The following SPOCK3 variants were observed in gnomAD, a reference collection of about 807,000 sequenced individuals.
The protein encoded by SPOCK3 is testican-3.
SPOCK3 carries 30 observed loss-of-function variants against 56.6 expected under a neutral mutation model. The ratio of observed to expected loss-of-function variants is 0.53; its 90% confidence interval spans 0.40 to 0.72. SPOCK3 has a LOEUF of 0.72. Ranked by LOEUF, SPOCK3 falls within the 30% of genes least tolerant of loss-of-function variation. SPOCK3 has a pLI of 0.00. For missense variants in SPOCK3, 527 were observed against 530.0 expected, an observed-to-expected ratio of 0.99 and a Z score of 0.06; for synonymous variants, 196 against 183.3, an observed-to-expected ratio of 1.07 and a Z score of -0.56.
chr4:166,739,989 A>G (rs1734664512), intron 9 of SPOCK3, among the ~76,000 whole-genome samples: 1 of 152,166 alleles, frequency 6.6e-6, no homozygotes, highest in Admixed American at 6.5e-5. Flanking sequence ...GAAAAAATTC[A>G]CTGTTGTCAC....
At chr4:167,014,905 A>G (rs1284417281) in intron 3 of SPOCK3, among the ~76,000 whole-genome samples, 1 of 152,024 alleles carries the variant, frequency 6.6e-6, no homozygotes, top group Non-Finnish European at 1.5e-5. Flanking sequence ...AAATTACTGC[A>G]TTTTATTTTA....
chr4:167,081,642 G>T (rs1757715441), intron 2 of SPOCK3, among the ~76,000 whole-genome samples: 1 of 152,006 alleles, frequency 6.6e-6, no homozygotes, highest in African/African-American at 2.4e-5. Context: ...GAATTCAAAT[G>T]GGAACTCTGT....
chr4:166,957,091 G>A lies in SPOCK3; in HGVS notation c.350+43258C>T, dbSNP rs180882990. ...CAACATGGTGAAACTCTGTCTCTAC[G>A]AAAAATACAAAAAGTTAGCTAGGCA... is the stretch of plus-strand genomic sequence containing the variant. On this transcript the variant is annotated intron_variant, in intron 4 of 10. Coordinates refer to ENST00000357545, the MANE Select transcript of SPOCK3 (RefSeq NM_001040159.2). Among the ~76,000 whole-genome samples the A allele has an allele frequency of 2.4e-3, 367 of 152,062 alleles. 3 individuals carry two copies. The highest frequency in any genetic ancestry group is 8.4e-3 in the African/African-American group (350 of 41,522).
At chr4:166,800,886 G>C in intron 6 of SPOCK3, among the ~76,000 whole-genome samples, 1 of 152,058 alleles carries the variant, frequency 6.6e-6, no homozygotes, top group East Asian at 1.9e-4. Context: ...GACACCCAGA[G>C]CAACTTCCCA....
chr4:167,183,414 C>T (rs1008701340), intron 2 of SPOCK3, among the ~76,000 whole-genome samples: 1 of 151,868 alleles, frequency 6.6e-6, no homozygotes, highest in Non-Finnish European at 1.5e-5. Flanking sequence ...AAAATGACTT[C>T]TAGTCAGAAT....
chr4:167,178,234 A>AACCT (rs1345767348), intron 2 of SPOCK3, among the ~76,000 whole-genome samples: 2 of 152,148 alleles, frequency 1.3e-5, no homozygotes, highest in African/African-American at 4.8e-5. Context: ...GTAAACTTCT[A>AACCT]TTTTTAAAAC....
chr4:166,801,308 T>C (rs1461218548), intron 6 of SPOCK3, among the ~76,000 whole-genome samples: 1 of 152,104 alleles, frequency 6.6e-6, no homozygotes, highest in African/African-American at 2.4e-5. Context: ...GTACTCCTAA[T>C]TCAAAACAAT....
intron 2 of SPOCK3, among the ~76,000 whole-genome samples, chr4:167,128,141 T>C (rs1053419948): frequency 6.6e-6 from 1 of 152,196 alleles, no homozygotes; most frequent in Non-Finnish European, 1.5e-5. Context: ...CATGCATAAA[T>C]TGCAAAATTG....
At chr4:166,932,340 T>C (rs1739882771) in intron 4 of SPOCK3, among the ~76,000 whole-genome samples, 1 of 152,194 alleles carries the variant, frequency 6.6e-6, no homozygotes, top group Non-Finnish European at 1.5e-5. Context: ...TCAGTCATAT[T>C]ACCAAAAGCC....
intron 8 of SPOCK3, among the ~76,000 whole-genome samples, chr4:166,750,378 A>G (rs554241327): frequency 2.0e-5 from 3 of 152,272 alleles, no homozygotes; most frequent in African/African-American, 7.2e-5. Context: ...TAGGGTAGAG[A>G]CATGGATTCA....
At chr4:166,762,765 G>C (rs72697509) in intron 7 of SPOCK3, among the ~76,000 whole-genome samples, 6,530 of 152,074 alleles carry the variant, frequency 0.043, 199 homozygotes, top group Non-Finnish European at 0.055. Flanking sequence ...ATATATGCTG[G>C]ATGGTATTAA....
intron 2 of SPOCK3, among the ~76,000 whole-genome samples, chr4:167,186,129 T>G (rs922919131): frequency 9.2e-5 from 14 of 152,172 alleles, no homozygotes; most frequent in Admixed American, 5.9e-4. Context: ...TTAGAATGAA[T>G]GTTTTTCAGA....
intron 6 of SPOCK3, among the ~76,000 whole-genome samples, chr4:166,797,234 T>A (rs1378774739): frequency 1.1e-5 from 1 of 88,150 alleles, no homozygotes. Flanking sequence ...TCCACCTTTC[T>A]TTTTTTTTTT....
At chr4:166,771,786 G>C (rs1560840255) in intron 7 of SPOCK3, among the ~76,000 whole-genome samples, 1 of 151,942 alleles carries the variant, frequency 6.6e-6, no homozygotes, top group Admixed American at 6.6e-5. Context: ...ACACTATATT[G>C]ACAAAAACAG....
Position 167,151,338 on chromosome 4 carries a change from C to T in SPOCK3, c.189+82647G>A, listed in dbSNP as rs147373304. Among the ~76,000 whole-genome samples the T allele has an allele frequency of 4.1e-3, 618 of 152,226 alleles. 6 individuals carry two copies. The highest frequency in any genetic ancestry group is 0.014 in the African/African-American group (581 of 41,528). ...TAGCAAGAGCTAAAGACAGAGGGTG[C>T]GGCAGCACTTGGTGCAAGCCTGCCA... On this transcript the variant is annotated intron_variant, in intron 2 of 10. Transcript: ENST00000357545.
At chr4:167,206,425 A>G (rs1231952575) in intron 2 of SPOCK3, among the ~76,000 whole-genome samples, 8 of 152,130 alleles carry the variant, frequency 5.3e-5, no homozygotes, top group Admixed American at 5.2e-4. Context: ...AAATATATAT[A>G]TCTGCAAACA....
rs1748818757 is a variant in SPOCK3 at position 167,000,323 on chromosome 4, G to C, written c.350+26C>G. ...CCTGGTAAGGAGCGCTGTTCAATCA[G>C]TGGGATTAAATTTAACAATGTTTAC... On this transcript the variant is annotated intron_variant, in intron 4 of 10. Transcript: ENST00000357545. 3 of 1,176,062 alleles carry C rather than the reference G, an allele frequency of 2.6e-6. No individual in the cohort carries two copies. In the South Asian group the frequency reaches 4.0e-5, roughly 16 times the overall value. 72.9% of individuals were successfully genotyped at this position (1,176,062 alleles called of 1,614,324 possible).
intron 8 of SPOCK3, 62 bp from the exon 9 acceptor site, chr4:166,742,121 T>C: frequency 8.1e-7 from 1 of 1,233,242 alleles, no homozygotes. Flanking sequence ...GTGTAATTTC[T>C]ATGTTATCAA....
At chr4:167,163,147 TA>T (rs1423481843) in intron 2 of SPOCK3, among the ~76,000 whole-genome samples, 1 of 148,264 alleles carries the variant, frequency 6.7e-6, no homozygotes, top group East Asian at 2.0e-4. Context: ...AATTAAAACA[TA>T]GGTTTTTTTG....
Sources: allele counts gnomAD v4.1 joint callset (sites outside exome capture counted in the v4.1 genomes callset), GRCh38; gene constraint gnomAD v4.1.1; transcripts MANE v1.5; gene names NCBI Gene and HGNC (gene_info 2026-07-23, HGNC 2026-07-21).